PIK3CB: variants seen among roughly 807,000 people sequenced by gnomAD.
The protein encoded by PIK3CB is phosphatidylinositol 4,5-bisphosphate 3-kinase catalytic subunit beta isoform.
A neutral mutation model predicts 136.8 loss-of-function variants in PIK3CB; 39 were observed. The ratio of observed to expected loss-of-function variants is 0.29; its 90% CI spans 0.22 to 0.37. The LOEUF is 0.37. Among genes scored for constraint, PIK3CB ranks in the 10% least tolerant of loss-of-function variants. The pLI is 1.00. For synonymous variants in PIK3CB, 428 were observed against 436.6 expected, an observed-to-expected ratio of 0.98 and a Z score of 0.25; for missense variants, 868 against 1,275.4, an observed-to-expected ratio of 0.68 and a Z score of 4.87.
intron 1 of PIK3CB, among the ~76,000 whole-genome samples, chr3:138,818,551 C>T (rs998605334): frequency 6.6e-6 from 1 of 152,200 alleles, no homozygotes; most frequent in African/African-American, 2.4e-5. Context: ...TCAAACAACT[C>T]TCCAAGATCC....
chr3:138,753,138 C>T (rs886291023), intron 4 of PIK3CB, among the ~76,000 whole-genome samples: 6 of 152,200 alleles, frequency 3.9e-5, no homozygotes, highest in Admixed American at 1.3e-4. Context: ...GATCACTTGA[C>T]CCTGGGAGGC....
intron 1 of PIK3CB, among the ~76,000 whole-genome samples, chr3:138,809,477 G>A (rs571347140): frequency 1.3e-5 from 2 of 151,770 alleles, no homozygotes; most frequent in African/African-American, 4.8e-5. Flanking sequence ...ATGGTGGCAG[G>A]CGCCTGAAAT....
At chr3:138,776,861 T>C (rs1236698430) in intron 2 of PIK3CB, among the ~76,000 whole-genome samples, 2 of 143,684 alleles carry the variant, frequency 1.4e-5, no homozygotes, top group Non-Finnish European at 3.0e-5. Flanking sequence ...AAGCGGACAT[T>C]GCAGTGAGCT....
intron 1 of PIK3CB, among the ~76,000 whole-genome samples, chr3:138,820,642 C>T (rs1933522211): frequency 6.6e-6 from 1 of 152,068 alleles, no homozygotes; most frequent in South Asian, 2.1e-4. Context: ...TACAAGTGCG[C>T]ACCACCACAC....
chr3:138,774,631 T>C (rs1465227344), intron 2 of PIK3CB, among the ~76,000 whole-genome samples: 1 of 152,220 alleles, frequency 6.6e-6, no homozygotes, highest in African/African-American at 2.4e-5. Flanking sequence ...AGTACCCACA[T>C]GTAATTGCAA....
At chr3:138,665,284 T>TA (rs1354853272) in intron 19 of PIK3CB, 81 bp from the exon 20 acceptor site, 17 of 1,105,204 alleles carry the variant, frequency 1.5e-5, no homozygotes, top group Non-Finnish European at 8.7e-6. Flanking sequence ...CTTTACTTTT[T>TA]AAAAAAAGTT....
chr3:138,731,467 G>A (rs905499883), intron 8 of PIK3CB, among the ~76,000 whole-genome samples: 1 of 151,424 alleles, frequency 6.6e-6, no homozygotes, highest in African/African-American at 2.4e-5. Context: ...TCCCCAGGCT[G>A]GTCTTGAACT....
chr3:138,698,389 T>C (rs1015738488), intron 13 of PIK3CB, among the ~76,000 whole-genome samples: 2 of 152,210 alleles, frequency 1.3e-5, no homozygotes, highest in African/African-American at 4.8e-5. Context: ...AACTAAAATT[T>C]GGTGGGTTTC....
intron 12 of PIK3CB, among the ~76,000 whole-genome samples, chr3:138,703,929 A>G (rs2044310239): frequency 6.6e-6 from 1 of 152,196 alleles, no homozygotes; most frequent in Non-Finnish European, 1.5e-5. Flanking sequence ...CTGAATAAGA[A>G]TGGGGTGTGA....
chr3:138,686,454 T>A (rs1053549807), intron 16 of PIK3CB, among the ~76,000 whole-genome samples: 1 of 151,834 alleles, frequency 6.6e-6, no homozygotes. Flanking sequence ...ATAAAATAAA[T>A]AAATAAATAA....
chr3:138,659,239 T>C (rs1400920842), intron 21 of PIK3CB, among the ~76,000 whole-genome samples: 1 of 152,220 alleles, frequency 6.6e-6, no homozygotes, highest in Non-Finnish European at 1.5e-5. Flanking sequence ...CACTTGATAA[T>C]TATTGGTTTA....
intron 1 of PIK3CB, among the ~76,000 whole-genome samples, chr3:138,823,685 G>C (rs1181316357): frequency 1.3e-5 from 2 of 152,124 alleles, no homozygotes; most frequent in Non-Finnish European, 2.9e-5. Context: ...CCTGGCGACA[G>C]AGCGAGGCTC....
intron 8 of PIK3CB, among the ~76,000 whole-genome samples, chr3:138,728,733 T>C (rs964670768): frequency 1.5e-4 from 22 of 151,554 alleles, no homozygotes; most frequent in African/African-American, 4.8e-4. Flanking sequence ...TGAGCCGAGA[T>C]TGAGCCACTG....
chr3:138,811,108 T>G (rs1405253864), intron 1 of PIK3CB, among the ~76,000 whole-genome samples: 1 of 151,286 alleles, frequency 6.6e-6, no homozygotes, highest in South Asian at 2.1e-4. Flanking sequence ...GTGCCTGTAA[T>G]CCCAGTTACT....
intron 19 of PIK3CB, among the ~76,000 whole-genome samples, chr3:138,669,753 A>T (rs1455065391): frequency 1.3e-5 from 2 of 152,208 alleles, no homozygotes; most frequent in South Asian, 2.1e-4. Context: ...TCATTCATGC[A>T]AACATGGCAC....
Position 138,750,198 on chromosome 3 carries a change from T to G in PIK3CB, c.397+5556A>C, listed in dbSNP as rs932104940. On this transcript the variant is annotated intron_variant, in intron 4 of 23. Coordinates refer to ENST00000674063, the MANE Select transcript of PIK3CB (RefSeq NM_006219.3). ...TCGGCCAATGTGATGTTTTGACACA[T>G]GTATACATTGTGGAATGATCAAATC... is the stretch of plus-strand genomic sequence containing the variant. Among the ~76,000 whole-genome samples the G allele has an allele frequency of 2.0e-5, 3 of 152,186 alleles. No individual in the cohort carries two copies. In the East Asian group the frequency reaches 5.8e-4, roughly 29 times the overall value.
At position 138,697,421 on chromosome 3, in the gene PIK3CB, G is replaced by GATTTATTTATTTATTT. The variant is rs61693073; in HGVS notation, c.1770+1470_1770+1485dup. On this transcript the variant is annotated intron_variant, in intron 13 of 23. Transcript: ENST00000674063. The stretch of plus-strand genomic sequence containing the variant: ...TATAATTATATAACATGTCTCCAAA[G>GATTTATTTATTTATTT]ATTTATTTATTTATTTATTTATTTA... Among the ~76,000 whole-genome samples the GATTTATTTATTTATTT allele has an allele frequency of 7.0e-3, 1,054 of 150,878 alleles. 21 individuals are homozygous for GATTTATTTATTTATTT. The highest frequency in any genetic ancestry group is 0.024 in the African/African-American group (972 of 40,808).
intron 14 of PIK3CB, 148 bp downstream of exon 14, chr3:138,694,638 G>A (rs2044096078): frequency 2.7e-6 from 2 of 752,818 alleles, no homozygotes; most frequent in African/African-American, 3.6e-5. Context: ...CATTGAGTTG[G>A]GGAGCTGGCA....
intron 13 of PIK3CB, among the ~76,000 whole-genome samples, chr3:138,696,203 G>A (rs9851988): frequency 1.4e-5 from 2 of 145,494 alleles, no homozygotes; most frequent in Non-Finnish European, 3.0e-5. Context: ...TTTTGTAAGA[G>A]ATAGGGTCTC....
Sources: allele counts gnomAD v4.1 joint callset (sites outside exome capture counted in the v4.1 genomes callset), GRCh38; gene constraint gnomAD v4.1.1; transcripts MANE v1.5; gene names NCBI Gene and HGNC (gene_info 2026-07-23, HGNC 2026-07-21).